SYDE2: variants seen among roughly 807,000 people sequenced by gnomAD.
SYDE2 encodes rho GTPase-activating protein SYDE2.
A neutral mutation model predicts 91.5 loss-of-function variants in SYDE2; 76 were observed. The ratio of observed to expected loss-of-function variants is 0.83; its 90% CI spans 0.69 to 1.01. The LOEUF (loss-of-function observed/expected upper bound fraction) is 1.01, where lower values mean the gene tolerates loss of function less well. SYDE2 is among the 50% of genes least tolerant of loss of function. The pLI, the probability that SYDE2 is intolerant of heterozygous loss-of-function variation, is 0.00. For missense variants in SYDE2, 1,364 were observed against 1,367.7 expected (o/e 1.00, Z 0.04); for synonymous variants, 513 against 506.4 (o/e 1.01, Z -0.18).
At chr1:85,161,109 C>T (rs1408471895) in intron 6 of SYDE2, 3 of 985,158 alleles carry the variant, frequency 3.0e-6, no homozygotes, top group Non-Finnish European at 2.4e-6. Flanking sequence ...TGTTGACTAC[C>T]CACCTTCAGT....
Position 85,182,550 on chromosome 1 carries a change from C to T in SYDE2, c.2092G>A (p.Asp698Asn), listed in dbSNP as rs1418446550. ...ATTGCACAAAAGACGTCTTTTGAAT[C>T]TATCCGAGGTGGTTTTAAATCCTCA... ...GAEDLKPPRI[D>N]SKDVFCAIQV... Residue 698 changes from aspartate to asparagine, a missense_variant, in exon 3 of 7, where the codon GAT becomes AAT. Transcript: ENST00000341460. The T allele has an allele frequency of 6.2e-7, 1 of 1,613,914 alleles. No individual in the cohort carries two copies. The highest frequency in any genetic ancestry group is 2.2e-5 in the East Asian group (1 of 44,878).
chr1:85,199,965 T>G (rs1658747618), intron 1 of SYDE2, among the ~76,000 whole-genome samples: 1 of 152,252 alleles, frequency 6.6e-6, no homozygotes, highest in East Asian at 1.9e-4. Context: ...CCTTTACTCC[T>G]TTAGGTAATA....
At chr1:85,187,272 C>T (rs929768233) in intron 2 of SYDE2, among the ~76,000 whole-genome samples, 25 of 152,042 alleles carry the variant, frequency 1.6e-4, no homozygotes, top group African/African-American at 5.1e-4. Context: ...AAAATGCTCA[C>T]CATCACTGGC....
chr1:85,187,808 T>C (rs1044936759), intron 2 of SYDE2, among the ~76,000 whole-genome samples: 45 of 144,276 alleles, frequency 3.1e-4, no homozygotes, highest in African/African-American at 7.8e-4. Flanking sequence ...TAGGTGGGAA[T>C]TGAACAATGA....
At chr1:85,194,921 G>A in intron 1 of SYDE2, 2 of 674,972 alleles carry the variant, frequency 3.0e-6, no homozygotes, top group Non-Finnish European at 3.7e-6. Flanking sequence ...AGCACTTTGG[G>A]AGGCCAAGGC....
In SYDE2 at chr1:85,182,969, G is replaced by T. The variant is rs1657993909; in HGVS notation, c.1673C>A (p.Thr558Asn). Residue 558 changes from threonine to asparagine, a missense_variant, in exon 3 of 7, where the codon ACT (threonine) becomes AAT (asparagine). Physicochemically the swap from Thr to Asn is moderately conservative, Grantham distance 65 (BLOSUM62 0). Transcript: ENST00000341460. ...GCAGTTATATTTAGACAAAGAAGGAGTATTATCTGGACTGTTTATATAATT... is the reference window on the plus strand; with the variant it reads ...GCAGTTATATTTAGACAAAGAAGGATTATTATCTGGACTGTTTATATAATT... ...TLNYINSPDNTPSLSKYNCRE... is the reference protein window; with the variant it reads ...TLNYINSPDNNPSLSKYNCRE... The T allele has an allele frequency of 1.9e-6, 3 of 1,613,764 alleles. No homozygotes were observed. The African/African-American group carries it at 4.0e-5, about 22-fold the overall frequency.
intron 1 of SYDE2, among the ~76,000 whole-genome samples, chr1:85,194,598 T>C (rs1049632534): frequency 1.3e-5 from 2 of 151,840 alleles, no homozygotes; most frequent in African/African-American, 4.8e-5. Flanking sequence ...CCTTAGTCTC[T>C]TGCAACTATA....
In SYDE2 at chr1:85,200,923, C is replaced by T; in HGVS notation, c.74G>A (p.Gly25Glu). 7.6e-7 allele frequency: 1 copy of T among 1,320,652 alleles called. No homozygotes were observed. The highest frequency in any genetic ancestry group is 3.1e-5 in the East Asian group (1 of 32,192). The allele number at this position is 1,320,652 out of a possible 1,614,324, so 81.8% of individuals were successfully genotyped here. A position where few individuals can be genotyped will look rare whatever the true frequency, so the allele number is the denominator to read the frequency against. The change falls in exon 1 of 7, where the codon GGA (glycine) becomes GAA (glutamate). Residue 25 changes from glycine to glutamate, a missense_variant. Coordinates refer to ENST00000341460, the MANE Select transcript of SYDE2 (RefSeq NM_032184.2). ...RGLADHSFPAGARAPGQPPSR... is the reference protein window; with the variant it reads ...RGLADHSFPAEARAPGQPPSR... ...AGGCGGCTGGCCCGGAGCCCGGGCT[C>T]CCGCGGGGAAGCTGTGATCCGCCAA...
intron 1 of SYDE2, among the ~76,000 whole-genome samples, chr1:85,192,501 A>T (rs745649827): frequency 6.6e-6 from 1 of 152,170 alleles, no homozygotes; most frequent in Non-Finnish European, 1.5e-5. Flanking sequence ...AAATAAACAA[A>T]CCTTAAACAC....
At chr1:85,156,334 C>T (rs1656881883), downstream of SYDE2, among the ~76,000 whole-genome samples, 1 of 151,082 alleles carries the variant, frequency 6.6e-6, no homozygotes, top group Non-Finnish European at 1.5e-5. Flanking sequence ...ATCGCTTGAG[C>T]CCAGGAATTT....
chr1:85,159,389 A>T, intron 6 of SYDE2, 140 bp from the exon 7 acceptor site: 1 of 634,312 alleles, frequency 1.6e-6, no homozygotes, highest in Non-Finnish European at 2.8e-6. Context: ...AAAAGAAAGC[A>T]TTCCATAATT....
downstream of SYDE2, among the ~76,000 whole-genome samples, chr1:85,155,009 C>CAAAAAAAAAAAAAGA (rs1656844313): frequency 1.2e-5 from 1 of 80,678 alleles, no homozygotes; most frequent in Non-Finnish European, 2.3e-5. Context: ...AAGAATGCAG[C>CAAAAAAAAAAAAAGA]AAAAAAAAAA....
At chr1:85,180,758 A>G (rs1389136514) in intron 3 of SYDE2, among the ~76,000 whole-genome samples, 1 of 152,144 alleles carries the variant, frequency 6.6e-6, no homozygotes, top group Admixed American at 6.5e-5. Context: ...CTTGGCACTT[A>G]AAGTGGTAAC....
At chr1:85,199,857 A>T (rs1658742251) in intron 1 of SYDE2, among the ~76,000 whole-genome samples, 2 of 152,018 alleles carry the variant, frequency 1.3e-5, no homozygotes, top group South Asian at 4.2e-4. Context: ...AAATTTACAA[A>T]CTCCACAAAA....
chr1:85,184,990 G>C (rs1326242452), intron 2 of SYDE2, among the ~76,000 whole-genome samples: 2 of 151,354 alleles, frequency 1.3e-5, no homozygotes, highest in African/African-American at 4.9e-5. Flanking sequence ...AAATTATTTT[G>C]AAATTCAACC....
At chr1:85,188,041 T>C (rs1442170846) in intron 2 of SYDE2, among the ~76,000 whole-genome samples, 1 of 152,074 alleles carries the variant, frequency 6.6e-6, no homozygotes, top group Non-Finnish European at 1.5e-5. Context: ...AAAAAAAGTT[T>C]AAGGATAGTC....
downstream of SYDE2, chr1:85,153,267 G>A (rs1451673732): frequency 6.6e-6 from 1 of 152,170 alleles, no homozygotes; most frequent in Admixed American, 6.6e-5. Context: ...AGAGGGGAGA[G>A]TGATAGCAGA....
At chr1:85,183,772 C>T (rs1213401113) in intron 2 of SYDE2, among the ~76,000 whole-genome samples, 1 of 152,052 alleles carries the variant, frequency 6.6e-6, no homozygotes, top group Non-Finnish European at 1.5e-5. Flanking sequence ...TAGAGTTAAT[C>T]GGGGTCCTGC....
At chr1:85,163,371 G>A (rs1230012927) in intron 6 of SYDE2, among the ~76,000 whole-genome samples, 1 of 148,120 alleles carries the variant, frequency 6.8e-6, no homozygotes, top group East Asian at 2.0e-4. Context: ...CTCCCAAAGT[G>A]CTGGAAAATT....
Sources: allele counts gnomAD v4.1 joint callset (sites outside exome capture counted in the v4.1 genomes callset), GRCh38; gene constraint gnomAD v4.1.1; transcripts MANE v1.5; gene names NCBI Gene and HGNC (gene_info 2026-07-23, HGNC 2026-07-21).